BEX2: variants seen among roughly 807,000 people sequenced by gnomAD.
BEX2 encodes the protein protein BEX2.
In BEX2, 2 loss-of-function variants were observed where a neutral mutation model predicts 4.1. The ratio of observed to expected loss-of-function variants is 0.49; its 90% CI spans 0.20 to 1.53. The LOEUF (loss-of-function observed/expected upper bound fraction) is 1.53, where lower values mean the gene tolerates loss of function less well. Among genes scored for constraint, BEX2 ranks in the 40% most tolerant of loss-of-function variants. The pLI, the probability that BEX2 is intolerant of heterozygous loss-of-function variation, is 0.23. For synonymous variants in BEX2, 34 were observed against 35.9 expected, an observed-to-expected ratio of 0.95 and a Z score of 0.19; for missense variants, 94 against 99.9, an observed-to-expected ratio of 0.94 and a Z score of 0.25.
Position 103,310,511 on chromosome X carries a change from TC to T in BEX2, c.-81-79del, listed in dbSNP as rs942663426. The T allele has an allele frequency of 7.0e-6, 8 of 1,143,877 alleles. No individual in the cohort carries two copies. The African/African-American group carries it at 1.4e-4, about 21-fold the overall frequency. The allele number at this position is 1,143,877 out of a possible 1,213,427, so 94.3% of individuals were successfully genotyped here. A position where few individuals can be genotyped will look rare whatever the true frequency, so the allele number is the denominator to read the frequency against. On this transcript the variant is annotated intron_variant, in intron 1 of 2. Coordinates refer to ENST00000372677, the MANE Select transcript of BEX2 (RefSeq NM_032621.4). ...GAGGACCCGCCGCCACCCGGCCCCT[TC>T]CCCACGCCGGGCCCGGGCCCTCCTA...
At position 103,310,378 on chromosome X, in the gene BEX2, T is replaced by C. The variant is rs1397838649; in HGVS notation, c.-26A>G. On this transcript the variant is annotated 5_prime_UTR_variant, in exon 2 of 3. Transcript: ENST00000372677. ...CTGACCTGGGCCTATCCTTGCAGTC[T>C]CCTCCTCCCGATTCTCGACGTGAGG... 2 of 1,155,983 alleles carry C rather than the reference T, an allele frequency of 1.7e-6. No individual in the cohort carries two copies. The highest frequency in any genetic ancestry group is 2.3e-6 in the Non-Finnish European group (2 of 872,833).
rs750769708 is a variant in BEX2 at position 103,310,412 on chromosome X, C to T, written c.-60G>A. ...CGATTCTCGACGTGAGGTGCGTCGC[C>T]GCAACACTTGGCCCCGCAAACCTGC... On this transcript the variant is annotated 5_prime_UTR_variant, in exon 2 of 3. Coordinates refer to ENST00000372677, the MANE Select transcript of BEX2 (RefSeq NM_032621.4). The T allele has an allele frequency of 6.9e-4, 794 of 1,155,588 alleles. No homozygotes were observed. The highest frequency in any genetic ancestry group is 8.4e-4 in the Non-Finnish European group (733 of 872,785).
At position 103,309,646 on chromosome X, in the gene BEX2, C is replaced by T; in HGVS notation, c.331G>A (p.Val111Ile). The change falls in exon 3 of 3, where the codon GTC (valine) becomes ATC (isoleucine). Residue 111 changes from valine (V) to isoleucine (I), a missense_variant. Val to Ile is a conservative substitution (Grantham distance 29). Coordinates refer to ENST00000372677, the MANE Select transcript of BEX2 (RefSeq NM_032621.4). ...EKQLSHSLRA[V>I]STDPPHHDHH... ...TCATGGTGAGGGGGATCAGTGCTGACTGCCCGCAAACTATGACTCAACTGC... is the reference window on the plus strand; with the variant it reads ...TCATGGTGAGGGGGATCAGTGCTGATTGCCCGCAAACTATGACTCAACTGC... The T allele has an allele frequency of 8.3e-7, 1 of 1,211,335 alleles. No homozygotes were observed. The highest frequency in any genetic ancestry group is 1.1e-6 in the Non-Finnish European group (1 of 895,450).
chrX:103,310,649 AG>A, intron 1 of BEX2: 26 of 1,147,165 alleles, frequency 2.3e-5, no homozygotes, highest in Non-Finnish European at 3.0e-5. Context: ...TGACGGAGGC[AG>A]GTGCTTCCGA....
chrX:103,310,462 G>A, intron 1 of BEX2, 29 bp from the exon 2 acceptor site: 2 of 1,155,018 alleles, frequency 1.7e-6, no homozygotes, highest in Non-Finnish European at 2.3e-6. Context: ...GGAAGAGTGG[G>A]GGCTGCTGCA....
Position 103,310,853 on chromosome X carries a change from C to A in BEX2, c.-82+7G>T. On this transcript the variant is annotated splice_region_variant and intron_variant, in intron 1 of 2. Coordinates refer to ENST00000372677, the MANE Select transcript of BEX2 (RefSeq NM_032621.4). ...CCAACCCCAGGGACCCCCTCCGGGT[C>A]CCTTACCTGCTCCCCCTCCGCTTCC... 2.9e-6 allele frequency: 1 copy of A among 343,183 alleles called. No homozygotes were observed. Among genetic ancestry groups the A allele is most frequent in the South Asian group, 6.6e-5 (1 of 15,100 alleles). The allele number at this position is 343,183 out of a possible 1,213,427, so 28.3% of individuals were successfully genotyped here.
At position 103,309,892 on chromosome X, in the gene BEX2, G is replaced by T. The variant is rs1437893149; in HGVS notation, c.85C>A (p.Gln29Lys). ...QENDEKDEKE[Q>K]VANKGEPLAL... is the part of the protein sequence containing the mutation. ...AAGGGCTCCCCTTTATTAGCAACTTGCTCCTTTTCATCTTTTTCATCATTT... is the reference window on the plus strand; with the variant it reads ...AAGGGCTCCCCTTTATTAGCAACTTTCTCCTTTTCATCTTTTTCATCATTT... Residue 29 changes from glutamine (Q) to lysine (K), a missense_variant, in exon 3 of 3, where the codon CAA becomes AAA. By Grantham distance (53) the Gln-to-Lys change is moderately conservative. Coordinates refer to ENST00000372677, the MANE Select transcript of BEX2 (RefSeq NM_032621.4). 3 of 1,211,268 alleles carry T rather than the reference G, an allele frequency of 2.5e-6. No individual in the cohort carries two copies. Among genetic ancestry groups the T allele is most frequent in the Non-Finnish European group, 3.4e-6 (3 of 895,361 alleles).
At position 103,309,921 on chromosome X, in the gene BEX2, T is replaced by TG; in HGVS notation, c.55dup (p.Gln19ProfsTer4). On this transcript the variant is annotated frameshift_variant, in exon 3 of 3. Coordinates refer to ENST00000372677, the MANE Select transcript of BEX2 (RefSeq NM_032621.4). LOFTEE classifies it low-confidence loss of function (END_TRUNC). ...CTTTTCATCTTTTTCATCATTTTCC[T>TG]GGTTGACATTTTCCACGATGAGATT... 8.3e-7 allele frequency: 1 copy of TG among 1,211,278 alleles called. No individual in the cohort carries two copies. Among genetic ancestry groups the TG allele is most frequent in the Non-Finnish European group, 1.1e-6 (1 of 895,336 alleles).
chrX:103,309,430 A>G lies in BEX2; in HGVS notation c.*160T>C. On this transcript the variant is annotated 3_prime_UTR_variant, in exon 3 of 3. Coordinates refer to ENST00000372677, the MANE Select transcript of BEX2 (RefSeq NM_032621.4). ...AGGTAAAACTCTCCTGCTGACAGAA[A>G]CTTACAAACTGGGTCAAAAACAACA... 1 of 811,664 alleles carries G rather than the reference A, an allele frequency of 1.2e-6. No homozygotes were observed. The highest frequency in any genetic ancestry group is 1.7e-6 in the Non-Finnish European group (1 of 582,192). The allele number at this position is 811,664 out of a possible 1,213,427, so 66.9% of individuals were successfully genotyped here.
intron 1 of BEX2, 153 bp downstream of exon 1, chrX:103,310,707 C>G: frequency 1.0e-6 from 1 of 964,347 alleles, no homozygotes; most frequent in East Asian, 3.4e-5. Context: ...CCGGGCACCC[C>G]TCCGCTCACA....
Position 103,310,523 on chromosome X carries a change from G to T in BEX2, c.-81-90C>A, listed in dbSNP as rs1190751985. On this transcript the variant is annotated intron_variant, in intron 1 of 2. Coordinates refer to ENST00000372677, the MANE Select transcript of BEX2 (RefSeq NM_032621.4). ...CCACCCGGCCCCTTCCCCACGCCGG[G>T]CCCGGGCCCTCCTAGCCGCTCTCGC... 3.5e-6 allele frequency: 4 copies of T among 1,146,758 alleles called. No individual in the cohort carries two copies. In the East Asian group the frequency reaches 1.3e-4, roughly 38 times the overall value. The allele number at this position is 1,146,758 out of a possible 1,213,427, so 94.5% of individuals were successfully genotyped here. A position where few individuals can be genotyped will look rare whatever the true frequency, so the allele number is the denominator to read the frequency against.
chrX:103,310,547 G>A lies in BEX2; in HGVS notation c.-81-114C>T, dbSNP rs898057757. ...GGCCCGGGCCCTCCTAGCCGCTCTCGCCCCCCGCCTCAGCCGCCCAGCCCC... is the reference window on the plus strand; with the variant it reads ...GGCCCGGGCCCTCCTAGCCGCTCTCACCCCCCGCCTCAGCCGCCCAGCCCC... On this transcript the variant is annotated intron_variant, in intron 1 of 2. Transcript: ENST00000372677. 20 of 1,147,144 alleles carry A rather than the reference G, an allele frequency of 1.7e-5. 1 individual carries two copies. The Admixed American group carries it at 1.8e-4, about 11-fold the overall frequency. The allele number at this position is 1,147,144 out of a possible 1,213,427, so 94.5% of individuals were successfully genotyped here.
At position 103,310,371 on chromosome X, in the gene BEX2, T is replaced by TG; in HGVS notation, c.-20dup. On this transcript the variant is annotated 5_prime_UTR_variant, in exon 2 of 3. Coordinates refer to ENST00000372677, the MANE Select transcript of BEX2 (RefSeq NM_032621.4). ...CCTCGCACTGACCTGGGCCTATCCT[T>TG]GCAGTCTCCTCCTCCCGATTCTCGA... The TG allele has an allele frequency of 8.6e-7, 1 of 1,156,197 alleles. No homozygotes were observed. Among genetic ancestry groups the TG allele is most frequent in the Non-Finnish European group, 1.1e-6 (1 of 872,906 alleles).
chrX:103,309,352 T>C lies in BEX2; in HGVS notation c.*238A>G. 3.0e-6 allele frequency: 1 copy of C among 334,038 alleles called. No individual in the cohort carries two copies. Among genetic ancestry groups the C allele is most frequent in the South Asian group, 1.1e-4 (1 of 8,872 alleles). The allele number at this position is 334,038 out of a possible 1,213,427, so 27.5% of individuals were successfully genotyped here. A position where few individuals can be genotyped will look rare whatever the true frequency, so the allele number is the denominator to read the frequency against. ...TAAAAAAGAATGCAGAGAATGCTTT[T>C]TAAAACTGTTTTATTAACTTCACAA... On this transcript the variant is annotated 3_prime_UTR_variant, in exon 3 of 3. Coordinates refer to ENST00000372677, the MANE Select transcript of BEX2 (RefSeq NM_032621.4).
In BEX2 at chrX:103,310,117, C is replaced by T. The variant is rs1926145821; in HGVS notation, c.-5-136G>A. ...TTTTTAAATTTCATTTTTTTTCCACCAGAGAGGCCCCATGTACCCTCGGGG... is the reference window on the plus strand; with the variant it reads ...TTTTTAAATTTCATTTTTTTTCCACTAGAGAGGCCCCATGTACCCTCGGGG... On this transcript the variant is annotated intron_variant, in intron 2 of 2. Transcript: ENST00000372677. 11 of 835,945 alleles carry T rather than the reference C, an allele frequency of 1.3e-5. No individual in the cohort carries two copies. In the South Asian group the frequency reaches 2.8e-4, roughly 21 times the overall value. The allele number at this position is 835,945 out of a possible 1,213,427, so 68.9% of individuals were successfully genotyped here.
At chrX:103,310,563 G>T (rs1359253775) in intron 1 of BEX2, 130 bp from the exon 2 acceptor site, 1 of 1,151,599 alleles carries the variant, frequency 8.7e-7, no homozygotes, top group Non-Finnish European at 1.1e-6. Flanking sequence ...CGCCTCAGCC[G>T]CCCAGCCCCC....
In BEX2 at chrX:103,310,954, G is replaced by A. The variant is rs1434068042; in HGVS notation, c.-176C>T. 1 of 190,517 alleles carries A rather than the reference G, an allele frequency of 5.2e-6. No individual in the cohort carries two copies. The highest frequency in any genetic ancestry group is 9.2e-6 in the Non-Finnish European group (1 of 108,834). The allele number at this position is 190,517 out of a possible 1,213,427, so 15.7% of individuals were successfully genotyped here. On this transcript the variant is annotated 5_prime_UTR_variant, in exon 1 of 3. Transcript: ENST00000372677. ...GGTACCACTGCCGAGAAGGGAGCGAGCGACGGCGGTTCTGACGCCACAACG... is the reference window on the plus strand; with the variant it reads ...GGTACCACTGCCGAGAAGGGAGCGAACGACGGCGGTTCTGACGCCACAACG...
chrX:103,310,824 C>A (rs975372128), intron 1 of BEX2, 36 bp downstream of exon 1: 7 of 381,733 alleles, frequency 1.8e-5, no homozygotes, highest in Non-Finnish European at 2.2e-5. Flanking sequence ...GCTGCTCCCC[C>A]ACACCAACCC....
chrX:103,309,432 T>C lies in BEX2; in HGVS notation c.*158A>G, dbSNP rs576824972. On this transcript the variant is annotated 3_prime_UTR_variant, in exon 3 of 3. Coordinates refer to ENST00000372677, the MANE Select transcript of BEX2 (RefSeq NM_032621.4). ...GTAAAACTCTCCTGCTGACAGAAAC[T>C]TACAAACTGGGTCAAAAACAACATT... is the stretch of plus-strand genomic sequence containing the variant. 4 of 846,434 alleles carry C rather than the reference T, an allele frequency of 4.7e-6. No homozygotes were observed. Among genetic ancestry groups the C allele is most frequent in the Middle Eastern group, 4.1e-4 (1 of 2,451 alleles). 69.8% of individuals were successfully genotyped at this position (846,434 alleles called of 1,213,427 possible). A position where few individuals can be genotyped will look rare whatever the true frequency, so the allele number is the denominator to read the frequency against.
Sources: gnomAD v4.1 joint callset for allele counts on GRCh38, gnomAD v4.1.1 for gene constraint, MANE v1.5 for transcripts, NCBI Gene and HGNC (gene_info 2026-07-23, HGNC 2026-07-21) for gene names.